Variants in C2CD3 observed in about 807,000 individuals in gnomAD.
C2CD3 encodes C2 domain-containing protein 3.
In C2CD3, 148 loss-of-function variants were observed where a neutral mutation model predicts 234.0. The observed-to-expected ratio is 0.63, with a 90% CI of 0.55 to 0.72. C2CD3 has a LOEUF of 0.72. Among genes scored for constraint, C2CD3 ranks in the 30% least tolerant of loss-of-function variants. The pLI is 0.00. For synonymous variants in C2CD3, 1,000 were observed against 1,035.4 expected, an observed-to-expected ratio of 0.97 and a Z score of 0.66; for missense variants, 2,577 against 2,811.5, an observed-to-expected ratio of 0.92 and a Z score of 1.89.
At chr11:74,059,845 G>A (rs1591361281) in intron 24 of C2CD3, among the ~76,000 whole-genome samples, 1 of 152,092 alleles carries the variant, frequency 6.6e-6, no homozygotes, top group Non-Finnish European at 1.5e-5. Context: ...AAGCACAAGG[G>A]GTTGGGGAAT....
chr11:74,130,962 A>G (rs1957654113), intron 7 of C2CD3, among the ~76,000 whole-genome samples: 1 of 151,696 alleles, frequency 6.6e-6, no homozygotes, highest in Non-Finnish European at 1.5e-5. Context: ...ACAATGTTTT[A>G]TAGTTTTTGA....
Position 74,090,867 on chromosome 11 carries a change from G to A in C2CD3, c.3587C>T (p.Thr1196Ile), listed in dbSNP as rs1224179775. 2 of 1,614,018 alleles carry A rather than the reference G, an allele frequency of 1.2e-6. No homozygotes were observed. The highest frequency in any genetic ancestry group is 1.7e-6 in the Non-Finnish European group (2 of 1,179,996). Residue 1196 changes from threonine to isoleucine, a missense_variant, in exon 20 of 33, where the codon ACT becomes ATT. Physicochemically the swap from Thr to Ile is moderately conservative, Grantham distance 89 (BLOSUM62 -1). Transcript: ENST00000334126. The stretch of plus-strand genomic sequence containing the variant: ...GATAATCTGGACTGAGATGGAAACA[G>A]TTCGGGCAGCAAGAACTCCCTCTGC... Reference protein sequence around the residue: ...RTAEGVLAARTVSISVQIIRA... With the variant: ...RTAEGVLAARIVSISVQIIRA...
intron 4 of C2CD3, 69 bp from the exon 5 acceptor site, chr11:74,139,036 G>A: frequency 7.3e-7 from 1 of 1,366,786 alleles, no homozygotes; most frequent in Non-Finnish European, 1.0e-6. Flanking sequence ...TTTTGTCAGA[G>A]ACAGAAAGTA....
rs1957672688 is a variant in C2CD3 at position 74,131,315 on chromosome 11, T to G, written c.1217+1529A>C. ...TCTAGCCTAGGTGATACAGTGAGAC[T>G]CGGTCTCAAAAAAAAAAAAAAACTA... On this transcript the variant is annotated intron_variant, in intron 7 of 32. Coordinates refer to ENST00000334126, the MANE Select transcript of C2CD3 (RefSeq NM_001286577.2). Among the ~76,000 whole-genome samples the G allele has an allele frequency of 2.0e-5, 3 of 147,482 alleles. No individual in the cohort carries two copies. The South Asian group carries it at 6.5e-4, about 32-fold the overall frequency.
chr11:74,120,498 G>A (rs1218651862), intron 8 of C2CD3, among the ~76,000 whole-genome samples: 3 of 152,184 alleles, frequency 2.0e-5, no homozygotes, highest in Non-Finnish European at 2.9e-5. Flanking sequence ...CGGTGTATAT[G>A]TGCCACATTT....
At chr11:74,116,642 A>G (rs1956934862) in intron 9 of C2CD3, among the ~76,000 whole-genome samples, 1 of 151,862 alleles carries the variant, frequency 6.6e-6, no homozygotes, top group South Asian at 2.1e-4. Flanking sequence ...CCCAGAGGAA[A>G]AGAAGTCACT....
intron 9 of C2CD3, among the ~76,000 whole-genome samples, chr11:74,117,454 T>C (rs1053062798): frequency 2.7e-5 from 4 of 146,112 alleles, no homozygotes; most frequent in Admixed American, 2.1e-4. Flanking sequence ...CTAGATGGAA[T>C]TGGAGACCAT....
At chr11:74,078,808 C>A in intron 22 of C2CD3, 91 bp from the exon 23 acceptor site, 2 of 1,235,902 alleles carry the variant, frequency 1.6e-6, no homozygotes, top group East Asian at 2.5e-5. Context: ...GTCCTATCAT[C>A]CTGGCTCAAG....
intron 3 of C2CD3, among the ~76,000 whole-genome samples, chr11:74,157,063 G>C (rs1383704851): frequency 6.6e-6 from 1 of 152,154 alleles, no homozygotes; most frequent in East Asian, 1.9e-4. Context: ...TCGATCATAT[G>C]CACATATGCA....
At chr11:74,061,466 A>C (rs1037454010) in intron 24 of C2CD3, among the ~76,000 whole-genome samples, 1 of 152,238 alleles carries the variant, frequency 6.6e-6, no homozygotes, top group Non-Finnish European at 1.5e-5. Flanking sequence ...AGTGGGGGCC[A>C]ATATTCAACA....
At chr11:74,054,507 GAAAAAAAAA>G (rs869085401) in intron 26 of C2CD3, 91 bp downstream of exon 26, 93 of 275,594 alleles carry the variant, frequency 3.4e-4, no homozygotes, top group African/African-American at 1.4e-3. Context: ...ACTTGGTTTG[GAAAAAAAAA>G]AAAAAAAAAA....
chr11:74,112,619 G>T (rs577000603), intron 11 of C2CD3, among the ~76,000 whole-genome samples: 1 of 152,170 alleles, frequency 6.6e-6, no homozygotes, highest in East Asian at 1.9e-4. Flanking sequence ...CAAAAAGCCT[G>T]ATTTGAAAGT....
chr11:74,048,128 A>G (rs767648956), intron 28 of C2CD3, 77 bp downstream of exon 28: 9 of 1,461,922 alleles, frequency 6.2e-6, no homozygotes, highest in Non-Finnish European at 8.4e-6. Context: ...TAATAAAGGA[A>G]AGAGAGAAAT....
intron 16 of C2CD3, 143 bp downstream of exon 16, chr11:74,097,866 G>A: frequency 1.4e-6 from 1 of 724,180 alleles, no homozygotes; most frequent in Non-Finnish European, 2.2e-6. Flanking sequence ...TGATTCCTTT[G>A]ATTTATAGGA....
intron 22 of C2CD3, among the ~76,000 whole-genome samples, chr11:74,079,232 C>T (rs750648862): frequency 6.6e-6 from 1 of 152,190 alleles, no homozygotes; most frequent in East Asian, 1.9e-4. Flanking sequence ...GGACCAGGTG[C>T]TAGATTTCAA....
Position 74,013,475 on chromosome 11 carries a change from G to A in C2CD3, c.6972C>T (p.Pro2324=), listed in dbSNP as rs1173295631. The change falls in exon 33 of 33, where the codon CCC becomes CCT. Residue 2324 remains proline, a synonymous_variant. Coordinates refer to ENST00000334126, the MANE Select transcript of C2CD3 (RefSeq NM_001286577.2). ...GGTTGAGGGGGAGCGAGTTAGGTCT[G>A]GGGCGACAAGGCCTTTGGGAGAGAG... ...RGALSQRPCR[P]RPNSLPLNLP... 2 of 1,418,332 alleles carry A rather than the reference G, an allele frequency of 1.4e-6. No individual in the cohort carries two copies. Among genetic ancestry groups the A allele is most frequent in the East Asian group, 2.9e-5 (1 of 34,538 alleles). The allele number at this position is 1,418,332 out of a possible 1,614,324, so 87.9% of individuals were successfully genotyped here. A position where few individuals can be genotyped will look rare whatever the true frequency, so the allele number is the denominator to read the frequency against.
intron 13 of C2CD3, 89 bp downstream of exon 13, chr11:74,106,282 C>T (rs1956514732): frequency 3.9e-5 from 51 of 1,308,756 alleles, no homozygotes; most frequent in Non-Finnish European, 5.3e-5. Flanking sequence ...AAAGACCTTG[C>T]TTTTCTTGTT....
At position 74,013,193 on chromosome 11, in the gene C2CD3, G is replaced by C. The variant is rs147454791; in HGVS notation, c.*192C>G. ...AAAGGAGCTGAAATTCTGGCAAGTG[G>C]ACACTGGACTGGTTTGGGGCACTCC... On this transcript the variant is annotated 3_prime_UTR_variant, in exon 33 of 33. Coordinates refer to ENST00000334126, the MANE Select transcript of C2CD3 (RefSeq NM_001286577.2). The C allele has an allele frequency of 1.9e-5, 7 of 373,710 alleles. No homozygotes were observed. The highest frequency in any genetic ancestry group is 6.9e-4 in the Middle Eastern group (1 of 1,458). The allele number at this position is 373,710 out of a possible 1,614,324, so 23.1% of individuals were successfully genotyped here.
intron 3 of C2CD3, among the ~76,000 whole-genome samples, chr11:74,145,226 A>T (rs1855096746): frequency 6.6e-6 from 1 of 152,152 alleles, no homozygotes; most frequent in African/African-American, 2.4e-5. Context: ...TCTTGTCAGC[A>T]TATGTTATTT....
Sources: allele counts gnomAD v4.1 joint callset (sites outside exome capture counted in the v4.1 genomes callset), GRCh38; gene constraint gnomAD v4.1.1; transcripts MANE v1.5; gene names NCBI Gene and HGNC (gene_info 2026-07-23, HGNC 2026-07-21).